The following IRS2 variants were observed in gnomAD, a reference collection of about 807,000 sequenced individuals.
IRS2 encodes insulin receptor substrate 2.
Under a neutral mutation model 70.9 loss-of-function variants are expected in IRS2, and 28 were observed. The ratio of observed to expected loss-of-function variants is 0.39; its 90% CI spans 0.29 to 0.54. The LOEUF is 0.54. Ranked by LOEUF, IRS2 falls within the 20% of genes least tolerant of loss-of-function variation. IRS2 has a pLI of 0.59. For missense variants in IRS2, 2,081 were observed against 2,024.1 expected, an observed-to-expected ratio of 1.03 and a Z score of -0.54; for synonymous variants, 1,217 against 981.9, an observed-to-expected ratio of 1.24 and a Z score of -4.48.
chr13:109,782,129 G>GAC lies in IRS2; in HGVS notation c.3924_3925insGT (p.Pro1309ValfsTer23). 6.2e-7 allele frequency: 1 copy of GAC among 1,607,976 alleles called. No homozygotes were observed. Among genetic ancestry groups the GAC allele is most frequent in the Non-Finnish European group, 8.5e-7 (1 of 1,178,140 alleles). On this transcript the variant is annotated frameshift_variant, in exon 1 of 2. Transcript: ENST00000375856. LOFTEE classifies it high-confidence loss of function. ...GCAGGGGGCAGGGCACCGGGACCCG[G>GAC]CCCCCCGCACCCGCCGCCGGTGCTG...
rs908605421 is a variant in IRS2, at chr13:109,785,072, G to C, written c.982C>G (p.Leu328Val). Residue 328 changes from leucine (L) to valine (V), a missense_variant, in exon 1 of 2, where the codon CTG becomes GTG. This residue lies in a region of IRS2 where 111 missense variants were observed against 133.1 expected (regional missense o/e 0.83). Coordinates refer to ENST00000375856, the MANE Select transcript of IRS2 (RefSeq NM_003749.3). The surrounding 1 kb of genome is among the most constrained non-coding windows in gnomAD (Gnocchi z 9.3). ...SVPGARRHHH[L>V]VNLPPSQTGL... Reference sequence around the variant, plus strand: ...GTCTGGCTGGGGGGCAGGTTGACCAGGTGGTGGTGGCGGCGCGCGCCGGGG... The same window carrying C: ...GTCTGGCTGGGGGGCAGGTTGACCACGTGGTGGTGGCGGCGCGCGCCGGGG... 5.7e-6 allele frequency: 9 copies of C among 1,574,654 alleles called. No homozygotes were observed. The Admixed American group carries it at 1.3e-4, about 22-fold the overall frequency.
In IRS2 at chr13:109,782,462, C is replaced by T. The variant is rs2138929783; in HGVS notation, c.3592G>A (p.Asp1198Asn). 1 of 1,567,014 alleles carries T rather than the reference C, an allele frequency of 6.4e-7. No homozygotes were observed. Among genetic ancestry groups the T allele is most frequent in the Non-Finnish European group, 8.6e-7 (1 of 1,156,422 alleles). Reference sequence around the variant, plus strand: ...TGTCGTGGGGAGGTGGGCGGCTCGTCGCCCCCTCCAGGGCCGACACCCACG... The same window carrying T: ...TGTCGTGGGGAGGTGGGCGGCTCGTTGCCCCCTCCAGGGCCGACACCCACG... ...GGVGVGPGGG[D>N]EPPTSPRQLQ... Residue 1198 changes from aspartate to asparagine, a missense_variant, in exon 1 of 2, where the codon GAC (aspartate) becomes AAC (asparagine). Around this residue, in one of 4 missense-constraint regions of IRS2, gnomAD observed 1,615 missense variants for 1,459.5 expected, o/e 1.11. Transcript: ENST00000375856.
chr13:109,773,005 T>C (rs1877491820), intron 1 of IRS2, among the ~76,000 whole-genome samples: 1 of 152,194 alleles, frequency 6.6e-6, no homozygotes, highest in African/African-American at 2.4e-5. Flanking sequence ...GCCTATTACA[T>C]TTTTTAAAGT....
chr13:109,775,705 AATATC>A (rs1877556203), intron 1 of IRS2, among the ~76,000 whole-genome samples: 1 of 150,518 alleles, frequency 6.6e-6, no homozygotes, highest in South Asian at 2.1e-4. Context: ...TATGGAGAAA[AATATC>A]ATATCCAGCC....
Position 109,755,474 on chromosome 13 carries a change from G to T in IRS2, c.*830C>A. 1 of 216,552 alleles carries T rather than the reference G, an allele frequency of 4.6e-6. No homozygotes were observed. The highest frequency in any genetic ancestry group is 9.3e-6 in the Non-Finnish European group (1 of 107,528). 13.4% of individuals were successfully genotyped at this position (216,552 alleles called of 1,614,324 possible). ...CCTACATAAACATCTACATCGAGAAGATTAAACAAGTCTGTTAAAGGTAAA... is the reference window on the plus strand; with the variant it reads ...CCTACATAAACATCTACATCGAGAATATTAAACAAGTCTGTTAAAGGTAAA... On this transcript the variant is annotated 3_prime_UTR_variant, in exon 2 of 2. Coordinates refer to ENST00000375856, the MANE Select transcript of IRS2 (RefSeq NM_003749.3).
Position 109,782,870 on chromosome 13 carries a change from A to T in IRS2, c.3184T>A (p.Leu1062Met), listed in dbSNP as rs529494066. The change falls in exon 1 of 2, where the codon TTG becomes ATG. Residue 1062 changes from leucine (L) to methionine (M), a missense_variant. Around this residue, in one of 4 missense-constraint regions of IRS2, gnomAD observed 1,615 missense variants for 1,459.5 expected, o/e 1.11. Transcript: ENST00000375856. ...CCATTGTCCCCGGTGTCCGAGGACA[A>T]CGATGAGGCGGCGCCCGGGCCCTGG... ...TAQGPGAASS[L>M]SSDTGDNGDY... The T allele has an allele frequency of 2.0e-5, 31 of 1,573,436 alleles. No homozygotes were observed. In the Admixed American group the frequency reaches 5.0e-4, roughly 26 times the overall value.
intron 1 of IRS2, among the ~76,000 whole-genome samples, chr13:109,770,060 G>A (rs866647962): frequency 3.3e-5 from 5 of 152,142 alleles, no homozygotes; most frequent in African/African-American, 1.2e-4. Flanking sequence ...TCAGCCTCAC[G>A]GGTGGGTGAC....
In IRS2 at chr13:109,754,949, GA is replaced by G; in HGVS notation, c.*1354del. Reference sequence around the variant, plus strand: ...GGCACTGGGGAAGCCCCCACGGGAGGAGAGGTCGACAGCCCTCCAATCAAGT... The same window carrying G: ...GGCACTGGGGAAGCCCCCACGGGAGGGAGGTCGACAGCCCTCCAATCAAGT... On this transcript the variant is annotated 3_prime_UTR_variant, in exon 2 of 2. Coordinates refer to ENST00000375856, the MANE Select transcript of IRS2 (RefSeq NM_003749.3). 1 of 223,402 alleles carries G rather than the reference GA, an allele frequency of 4.5e-6. No individual in the cohort carries two copies. Among genetic ancestry groups the G allele is most frequent in the Non-Finnish European group, 8.9e-6 (1 of 111,980 alleles). 13.8% of individuals were successfully genotyped at this position (223,402 alleles called of 1,614,324 possible).
chr13:109,772,749 G>A (rs1187452812), intron 1 of IRS2, among the ~76,000 whole-genome samples: 1 of 145,552 alleles, frequency 6.9e-6, no homozygotes, highest in Non-Finnish European at 1.5e-5. Flanking sequence ...ACTGCGGACT[G>A]CAGTGGCGCG....
At chr13:109,767,553 G>A (rs895584391) in intron 1 of IRS2, among the ~76,000 whole-genome samples, 9 of 152,064 alleles carry the variant, frequency 5.9e-5, no homozygotes, top group Non-Finnish European at 1.2e-4. Flanking sequence ...ATTCAAGAGA[G>A]ATGTAACTTT....
intron 1 of IRS2, among the ~76,000 whole-genome samples, chr13:109,773,250 C>G (rs1332352590): frequency 6.6e-6 from 1 of 151,964 alleles, no homozygotes; most frequent in African/African-American, 2.4e-5. Context: ...ACTCAATTCC[C>G]CAGAAGATAA....
At chr13:109,763,634 G>GCA (rs1388394101) in intron 1 of IRS2, among the ~76,000 whole-genome samples, 1 of 152,148 alleles carries the variant, frequency 6.6e-6, no homozygotes, top group African/African-American at 2.4e-5. Flanking sequence ...GAGTATTTGG[G>GCA]CCAAGTGATA....
Position 109,783,949 on chromosome 13 carries a change from A to ACGG in IRS2, c.2102_2104dup (p.Ala701dup), listed in dbSNP as rs34412495. The ACGG allele has an allele frequency of 5.5e-3, 8,374 of 1,520,770 alleles. 27 individuals carry two copies. Among genetic ancestry groups the ACGG allele is most frequent in the Non-Finnish European group, 6.0e-3 (6,867 of 1,138,732 alleles). 94.2% of individuals were successfully genotyped at this position (1,520,770 alleles called of 1,614,324 possible). ...TGGCCCCGCAGGCCCCGCAGAAGGC[A>ACGG]CGGCGGCGGCGGCGGCGGCGGCGGC... is the stretch of plus-strand genomic sequence containing the variant. On this transcript the variant is annotated inframe_insertion, in exon 1 of 2. Coordinates refer to ENST00000375856, the MANE Select transcript of IRS2 (RefSeq NM_003749.3).
chr13:109,757,586 C>G (rs1230495302), intron 1 of IRS2, among the ~76,000 whole-genome samples: 1 of 152,124 alleles, frequency 6.6e-6, no homozygotes, highest in Non-Finnish European at 1.5e-5. Context: ...ACCCCAAAAG[C>G]TTTACAGAAA....
Position 109,782,589 on chromosome 13 carries a change from G to C in IRS2, c.3465C>G (p.Thr1155=). 2 of 1,577,220 alleles carry C rather than the reference G, an allele frequency of 1.3e-6. No homozygotes were observed. The highest frequency in any genetic ancestry group is 1.2e-5 in the South Asian group (1 of 86,596). The change falls in exon 1 of 2, where the codon ACC becomes ACG. Residue 1155 remains threonine, a synonymous_variant. Coordinates refer to ENST00000375856, the MANE Select transcript of IRS2 (RefSeq NM_003749.3). ...RRHSSETFSS[T]TTVTPVSPSF... is the part of the protein sequence containing the mutation. ...ACGGGGACACGGGGGTGACCGTCGT[G>C]GTGGAGGAGAAGGTCTCGGAACTGT...
chr13:109,763,767 T>C (rs1395599246), intron 1 of IRS2, among the ~76,000 whole-genome samples: 1 of 152,248 alleles, frequency 6.6e-6, no homozygotes, highest in Non-Finnish European at 1.5e-5. Context: ...CATAACAATG[T>C]TTATATTGTT....
intron 1 of IRS2, among the ~76,000 whole-genome samples, chr13:109,772,072 G>C (rs536887416): frequency 6.6e-6 from 1 of 152,248 alleles, no homozygotes; most frequent in East Asian, 1.9e-4. Flanking sequence ...AAAGAAAGGA[G>C]GGCAGAGAGG....
At position 109,783,100 on chromosome 13, in the gene IRS2, G is replaced by A. The variant is rs762592279; in HGVS notation, c.2954C>T (p.Ser985Phe). Residue 985 changes from serine to phenylalanine, a missense_variant, in exon 1 of 2, where the codon TCC becomes TTC. Ser to Phe is a radical substitution (Grantham distance 155, BLOSUM62 -2). Transcript: ENST00000375856. The stretch of plus-strand genomic sequence containing the variant: ...GGCGCCCGGCTTAGGAGACTTGGGG[G>A]AGCTGAAGTCGAGGTTCATGTAGTC... Reference protein sequence around the residue: ...LSDYMNLDFSSPKSPKPGAPS... With the variant: ...LSDYMNLDFSFPKSPKPGAPS... The A allele has an allele frequency of 1.0e-5, 14 of 1,392,722 alleles. No individual in the cohort carries two copies. The highest frequency in any genetic ancestry group is 1.2e-5 in the Non-Finnish European group (13 of 1,080,416). The allele number at this position is 1,392,722 out of a possible 1,614,324, so 86.3% of individuals were successfully genotyped here.
In IRS2 at chr13:109,784,129, C is replaced by G. The variant is rs1594391391; in HGVS notation, c.1925G>C (p.Ser642Thr). ...GTCTGCCCCCAGGTTGCTGCTGGAG[C>G]TCCTGTGGGAGCCGATCTCGATGTC... Reference protein sequence around the residue: ...YGDIEIGSHRSSSSNLGADDG... With the variant: ...YGDIEIGSHRTSSSNLGADDG... Residue 642 changes from serine to threonine, a missense_variant, in exon 1 of 2, where the codon AGC becomes ACC. Transcript: ENST00000375856. This position sits in a 1 kb window ranked among gnomAD's most constrained non-coding sequence, Gnocchi z 5.2. The G allele has an allele frequency of 1.3e-6, 2 of 1,594,434 alleles. No individual in the cohort carries two copies. The highest frequency in any genetic ancestry group is 2.2e-5 in the East Asian group (1 of 44,680).
Sources: gnomAD v4.1 joint callset for allele counts (sites outside exome capture counted in the v4.1 genomes callset) on GRCh38, gnomAD v4.1.1 for gene constraint, gnomAD v4.1.1 regional missense constraint, Gnocchi (gnomAD v3.1) non-coding constraint, MANE v1.5 for transcripts, NCBI Gene and HGNC (gene_info 2026-07-23, HGNC 2026-07-21) for gene names.